Variants in MORC1 observed in about 807,000 individuals in gnomAD.
The protein encoded by MORC1 is MORC family CW-type zinc finger protein 1.
MORC1 carries 59 observed loss-of-function variants against 134.9 expected under a neutral mutation model. That is an observed-to-expected ratio of 0.44 (90% CI 0.35 to 0.54). MORC1 has a LOEUF of 0.54. Ranked by LOEUF, MORC1 falls within the 20% of genes least tolerant of loss-of-function variation. MORC1 has a pLI of 0.00. For synonymous variants in MORC1, 395 were observed against 391.7 expected (o/e 1.01, Z -0.10); for missense variants, 947 against 1,134.5 (o/e 0.83, Z 2.37).
chr3:109,005,087 G>A lies in MORC1; in HGVS notation c.1996C>T (p.Leu666=). Residue 666 remains leucine, a synonymous_variant, in exon 19 of 28, where the codon CTA becomes TTA. Coordinates refer to ENST00000232603, the MANE Select transcript of MORC1 (RefSeq NM_014429.4). The part of the protein sequence containing the change: ...IPVALPENVK[L]AERSQRSQIA... ...AATAATACCTGGGATCTCTCAGCTAGTTTGACATTTTCTGGCAGAGCTACT... is the reference window on the plus strand; with the variant it reads ...AATAATACCTGGGATCTCTCAGCTAATTTGACATTTTCTGGCAGAGCTACT... The A allele has an allele frequency of 6.2e-7, 1 of 1,611,126 alleles. No individual in the cohort carries two copies. Among genetic ancestry groups the A allele is most frequent in the Non-Finnish European group, 8.5e-7 (1 of 1,178,984 alleles).
intron 9 of MORC1, among the ~76,000 whole-genome samples, chr3:109,063,753 A>G (rs1448872247): frequency 6.6e-6 from 1 of 152,170 alleles, no homozygotes; most frequent in African/African-American, 2.4e-5. Flanking sequence ...GTGATGGCAA[A>G]GATGCTCTAG....
intron 9 of MORC1, among the ~76,000 whole-genome samples, chr3:109,065,045 T>A (rs1266358730): frequency 1.3e-5 from 2 of 152,188 alleles, no homozygotes; most frequent in African/African-American, 4.8e-5. Context: ...AACATATCTG[T>A]AATCCAGACA....
chr3:109,035,392 A>G lies in MORC1; in HGVS notation c.1407T>C (p.Ser469=). The G allele has an allele frequency of 6.4e-7, 1 of 1,569,366 alleles. No homozygotes were observed. Among genetic ancestry groups the G allele is most frequent in the Non-Finnish European group, 8.7e-7 (1 of 1,149,646 alleles). The stretch of plus-strand genomic sequence containing the variant: ...TGGCTTGTCTTCTTTGATATTGAAA[A>G]GAATTTAAAGGTTTCTCCACATCGA... The part of the protein sequence containing the change: ...NDIDVEKPLN[S]FQYQRRQAMG... Residue 469 remains serine, a synonymous_variant, in exon 15 of 28, where the codon TCT becomes TCC. Transcript: ENST00000232603.
At chr3:109,111,061 A>AAAAAAC (rs1951158609) in intron 2 of MORC1, among the ~76,000 whole-genome samples, 1 of 150,622 alleles carries the variant, frequency 6.6e-6, no homozygotes, top group Non-Finnish European at 1.5e-5. Flanking sequence ...AAAAAAAAAA[A>AAAAAAC]AAAAAAACAA....
chr3:109,015,917 T>C (rs1948807229), intron 17 of MORC1, among the ~76,000 whole-genome samples: 1 of 152,204 alleles, frequency 6.6e-6, no homozygotes, highest in Non-Finnish European at 1.5e-5. Flanking sequence ...ACAGTCTGTC[T>C]GGGAATCAGA....
intron 14 of MORC1, among the ~76,000 whole-genome samples, chr3:109,044,840 G>A (rs1038205954): frequency 2.3e-5 from 3 of 129,702 alleles, no homozygotes; most frequent in South Asian, 6.3e-4. Context: ...AGCTACTTGG[G>A]AGGCTTAGGC....
rs1239837592 is a variant in MORC1 at position 109,110,779 on chromosome 3, C to A, written c.124G>T (p.Ala42Ser). The change falls in exon 3 of 28, where the codon GCA (alanine) becomes TCA (serine). Residue 42 changes from alanine (A) to serine (S), a missense_variant. By Grantham distance (99) the Ala-to-Ser change is moderately conservative. This residue lies in a region of MORC1 where 214 missense variants were observed against 281.3 expected (regional missense o/e 0.76). Transcript: ENST00000232603. ...AAGACATCAAGTCTTTCAGCCCCTG[C>A]ATCTCTGGAAACAATACAAAAATAT... is the stretch of plus-strand genomic sequence containing the variant. ...LAELLDNARDAGAERLDVFSV... is the reference protein window; with the variant it reads ...LAELLDNARDSGAERLDVFSV... The A allele has an allele frequency of 1.3e-6, 2 of 1,587,890 alleles. No homozygotes were observed. Among genetic ancestry groups the A allele is most frequent in the South Asian group, 2.3e-5 (2 of 85,246 alleles).
intron 8 of MORC1, among the ~76,000 whole-genome samples, chr3:109,086,090 A>C (rs1950611313): frequency 6.6e-6 from 1 of 152,054 alleles, no homozygotes; most frequent in Admixed American, 6.6e-5. Context: ...GAGGCAAGGT[A>C]ATAGGATGGG....
intron 14 of MORC1, among the ~76,000 whole-genome samples, chr3:109,044,800 C>T (rs1949646215): frequency 6.6e-6 from 1 of 151,158 alleles, no homozygotes; most frequent in South Asian, 2.1e-4. Flanking sequence ...AAAAAATTAG[C>T]CAGGTGTGGT....
chr3:109,004,057 G>GACTTCGTCTCAAAAAAAATAAGAA (rs1221263663), intron 20 of MORC1, among the ~76,000 whole-genome samples: 8 of 152,072 alleles, frequency 5.3e-5, no homozygotes, highest in African/African-American at 1.9e-4. Context: ...GACAGAGCGA[G>GACTTCGTCTCAAAAAAAATAAGAA]ACTTCGTCTC....
At chr3:108,961,804 A>G (rs1947087672) in intron 27 of MORC1, among the ~76,000 whole-genome samples, 1 of 152,248 alleles carries the variant, frequency 6.6e-6, no homozygotes, top group South Asian at 2.1e-4. Flanking sequence ...TTTGGCAGAG[A>G]AGGAGTAGTA....
intron 17 of MORC1, among the ~76,000 whole-genome samples, chr3:109,010,574 A>T (rs542568618): frequency 3.3e-5 from 5 of 152,220 alleles, no homozygotes; most frequent in Non-Finnish European, 7.3e-5. Context: ...ATTCAAATAC[A>T]TAATTTGAAA....
chr3:108,996,652 T>C (rs1216403522), intron 21 of MORC1, among the ~76,000 whole-genome samples: 1 of 152,170 alleles, frequency 6.6e-6, no homozygotes, highest in Non-Finnish European at 1.5e-5. Flanking sequence ...AACATGCTCA[T>C]TGCATGGACT....
At chr3:109,060,632 C>T (rs1291475108) in intron 11 of MORC1, among the ~76,000 whole-genome samples, 1 of 152,012 alleles carries the variant, frequency 6.6e-6, no homozygotes, top group Non-Finnish European at 1.5e-5. Flanking sequence ...AAATGGTTGG[C>T]AAGTATTCCA....
At chr3:109,083,535 A>G (rs1274022199) in intron 8 of MORC1, among the ~76,000 whole-genome samples, 1 of 152,188 alleles carries the variant, frequency 6.6e-6, no homozygotes, top group East Asian at 1.9e-4. Flanking sequence ...TGCCCATCAA[A>G]GAAAATCCCA....
At chr3:109,100,573 G>C in intron 4 of MORC1, 66 bp from the exon 5 acceptor site, 1 of 1,202,806 alleles carries the variant, frequency 8.3e-7, no homozygotes, top group South Asian at 1.2e-5. Context: ...AGGCCCAGCT[G>C]TCAGGACCTC....
intron 17 of MORC1, among the ~76,000 whole-genome samples, chr3:109,017,936 T>C (rs1032259125): frequency 2.0e-5 from 3 of 152,188 alleles, no homozygotes; most frequent in African/African-American, 4.8e-5. Flanking sequence ...CTGCATAAGA[T>C]GAACTGTCTC....
chr3:109,113,111 C>A (rs1051746484), intron 2 of MORC1, among the ~76,000 whole-genome samples: 1 of 152,112 alleles, frequency 6.6e-6, no homozygotes, highest in East Asian at 1.9e-4. Flanking sequence ...GAAAGTGGGC[C>A]CATTCAGTAG....
At chr3:109,028,398 A>G (rs1462289753) in intron 16 of MORC1, among the ~76,000 whole-genome samples, 3 of 152,160 alleles carry the variant, frequency 2.0e-5, no homozygotes, top group Non-Finnish European at 4.4e-5. Context: ...CTTGGGAGGT[A>G]ATGAGATGCG....
Sources: allele counts gnomAD v4.1 joint callset (sites outside exome capture counted in the v4.1 genomes callset), GRCh38; gene constraint gnomAD v4.1.1; regional missense constraint gnomAD v4.1.1; transcripts MANE v1.5; gene names NCBI Gene and HGNC (gene_info 2026-07-23, HGNC 2026-07-21).